The following CDH2 variants were observed in gnomAD, a reference collection of about 807,000 sequenced individuals.
The protein encoded by CDH2 is cadherin-2.
CDH2 carries 17 observed loss-of-function variants against 92.0 expected under a neutral mutation model. That is an observed-to-expected ratio of 0.18 (90% confidence interval 0.13 to 0.28). The LOEUF is 0.28. Among genes scored for constraint, CDH2 ranks in the 10% least tolerant of loss-of-function variants. The probability of loss-of-function intolerance (pLI) is 1.00; values close to 1 mark genes in which losing one functional copy is unlikely to be tolerated. For missense variants in CDH2, 862 were observed against 1,133.1 expected (o/e 0.76, Z 3.44); for synonymous variants, 419 against 415.9 (o/e 1.01, Z -0.09).
chr18:28,139,793 C>A (rs1241770723), intron 2 of CDH2, among the ~76,000 whole-genome samples: 3 of 151,922 alleles, frequency 2.0e-5, no homozygotes, highest in African/African-American at 4.8e-5. Flanking sequence ...CTTTCTTAGG[C>A]TTCTCGTCCT....
intron 2 of CDH2, among the ~76,000 whole-genome samples, chr18:28,088,286 T>C (rs1292680951): frequency 2.6e-5 from 4 of 152,110 alleles, no homozygotes; most frequent in Admixed American, 1.3e-4. Context: ...TTTGAAGATA[T>C]AAACAAAAAT....
intron 1 of CDH2, among the ~76,000 whole-genome samples, chr18:28,153,231 G>A (rs2016153199): frequency 6.6e-6 from 1 of 152,130 alleles, no homozygotes; most frequent in Non-Finnish European, 1.5e-5. Flanking sequence ...GGTGATTTAT[G>A]TTGAGCTTGT....
downstream of CDH2, among the ~76,000 whole-genome samples, chr18:27,950,027 G>C (rs1324281551): frequency 6.6e-6 from 1 of 151,904 alleles, no homozygotes; most frequent in Non-Finnish European, 1.5e-5. Flanking sequence ...ACAGCATGGA[G>C]GCACAGTCTA....
At chr18:28,106,245 T>C (rs1238704672) in intron 2 of CDH2, among the ~76,000 whole-genome samples, 1 of 92,058 alleles carries the variant, frequency 1.1e-5, no homozygotes, top group Non-Finnish European at 2.5e-5. Context: ...GGCAAAAACC[T>C]GTCTTTCCTA....
chr18:27,997,872 T>G (rs1344016167), intron 7 of CDH2, among the ~76,000 whole-genome samples: 1 of 152,018 alleles, frequency 6.6e-6, no homozygotes, highest in Non-Finnish European at 1.5e-5. Context: ...AGTGGCACAA[T>G]CTCGGCTCAC....
chr18:28,000,575 C>G (rs1345862088), intron 7 of CDH2, among the ~76,000 whole-genome samples: 1 of 151,994 alleles, frequency 6.6e-6, no homozygotes, highest in Non-Finnish European at 1.5e-5. Flanking sequence ...AGGGGTGAGT[C>G]TTTGACAGTC....
chr18:28,018,918 T>G (rs1462051256), intron 2 of CDH2, among the ~76,000 whole-genome samples: 1 of 150,286 alleles, frequency 6.7e-6, no homozygotes, highest in Non-Finnish European at 1.5e-5. Flanking sequence ...TGTGTATATA[T>G]ATATTTATTT....
chr18:28,161,685 T>C (rs1049479192), intron 1 of CDH2, among the ~76,000 whole-genome samples: 1 of 150,472 alleles, frequency 6.6e-6, no homozygotes, highest in African/African-American at 2.5e-5. Flanking sequence ...CTGAGGGGAG[T>C]TGCCACATTT....
chr18:27,947,184 T>A (rs1055094631), downstream of CDH2, among the ~76,000 whole-genome samples: 1 of 151,598 alleles, frequency 6.6e-6, no homozygotes, highest in Admixed American at 6.6e-5. Flanking sequence ...TTAAAAGTAA[T>A]ACAACAGTAA....
In CDH2 at chr18:28,009,797, C is replaced by T; in HGVS notation, c.622G>A (p.Gly208Ser). ...TGPGADQPPT[G>S]IFIINPISGQ... is the part of the protein sequence containing the mutation. ...GAGATGGGGTTGATAATGAAGATAC[C>T]AGTTGGAGGCTGGTCAGCTCCTGGC... The change falls in exon 5 of 16, where the codon GGT becomes AGT. Residue 208 changes from glycine to serine, a missense_variant. Coordinates refer to ENST00000269141, the MANE Select transcript of CDH2 (RefSeq NM_001792.5). 1 of 1,613,902 alleles carries T rather than the reference C, an allele frequency of 6.2e-7. No individual in the cohort carries two copies. Among genetic ancestry groups the T allele is most frequent in the Non-Finnish European group, 8.5e-7 (1 of 1,179,970 alleles).
chr18:27,970,288 A>G lies in CDH2; in HGVS notation c.2350-6767T>C, dbSNP rs75033278. Reference sequence around the variant, plus strand: ...GACAAAAGTATAGCCATCTAAATGCATGTTGGGTTCCATGTTTTCACCTCG... The same window carrying G: ...GACAAAAGTATAGCCATCTAAATGCGTGTTGGGTTCCATGTTTTCACCTCG... On this transcript the variant is annotated intron_variant, in intron 14 of 15. Coordinates refer to ENST00000269141, the MANE Select transcript of CDH2 (RefSeq NM_001792.5). Among the ~76,000 whole-genome samples the G allele has an allele frequency of 3.7e-4, 56 of 151,770 alleles. No homozygotes were observed. In the East Asian group the frequency reaches 9.7e-3, roughly 26 times the overall value.
intron 2 of CDH2, among the ~76,000 whole-genome samples, chr18:28,105,400 A>C (rs1320487451): frequency 6.6e-6 from 1 of 152,192 alleles, no homozygotes; most frequent in Admixed American, 6.5e-5. Flanking sequence ...TTCAGAACAC[A>C]ACATAGGGAT....
chr18:28,100,080 T>C (rs1195435612), intron 2 of CDH2, among the ~76,000 whole-genome samples: 3 of 152,180 alleles, frequency 2.0e-5, no homozygotes, highest in Non-Finnish European at 4.4e-5. Context: ...GGGCACTGGA[T>C]AAACACCACA....
chr18:28,131,948 C>A (rs1270642810), intron 2 of CDH2, among the ~76,000 whole-genome samples: 1 of 152,260 alleles, frequency 6.6e-6, no homozygotes, highest in Admixed American at 6.5e-5. Context: ...TATCAAAAGG[C>A]CAGGACTCGT....
intron 9 of CDH2, 120 bp downstream of exon 9, chr18:27,992,535 A>G: frequency 1.3e-6 from 1 of 766,092 alleles, no homozygotes; most frequent in African/African-American, 1.7e-5. Flanking sequence ...TCAGACCCAC[A>G]TCTGGAGATG....
At chr18:27,974,270 T>C (rs1161786743) in intron 14 of CDH2, among the ~76,000 whole-genome samples, 1 of 152,168 alleles carries the variant, frequency 6.6e-6, no homozygotes, top group Non-Finnish European at 1.5e-5. Context: ...TGATAACATA[T>C]ATCAAGAAAG....
At chr18:28,024,200 ATG>A (rs1567968828) in intron 2 of CDH2, among the ~76,000 whole-genome samples, 1 of 152,136 alleles carries the variant, frequency 6.6e-6, no homozygotes, top group African/African-American at 2.4e-5. Flanking sequence ...TGTTTACTCC[ATG>A]TGTGAGAATA....
chr18:28,068,341 T>C (rs1006086142), intron 2 of CDH2, among the ~76,000 whole-genome samples: 3 of 152,192 alleles, frequency 2.0e-5, no homozygotes, highest in Non-Finnish European at 2.9e-5. Flanking sequence ...TGGCTATCTA[T>C]AAATATAAAT....
At chr18:28,008,166 T>A (rs530731137) in intron 5 of CDH2, among the ~76,000 whole-genome samples, 1 of 152,308 alleles carries the variant, frequency 6.6e-6, no homozygotes, top group Admixed American at 6.5e-5. Context: ...GAAGAGATCC[T>A]TAAGAATTTT....
Sources: allele counts gnomAD v4.1 joint callset (sites outside exome capture counted in the v4.1 genomes callset), GRCh38; gene constraint gnomAD v4.1.1; transcripts MANE v1.5; gene names NCBI Gene and HGNC (gene_info 2026-07-23, HGNC 2026-07-21).